PRSS12: variants seen among roughly 807,000 people sequenced by gnomAD.
The protein encoded by PRSS12 is serine protease 12, also known as neurotrypsin.
A neutral mutation model predicts 104.4 loss-of-function variants in PRSS12; 85 were observed. The observed-to-expected ratio is 0.81, with a 90% confidence interval of 0.68 to 0.98. The LOEUF is 0.98. PRSS12 is among the 50% of genes least tolerant of loss of function. The pLI is 0.00. For missense variants in PRSS12, 1,141 were observed against 1,139.2 expected (o/e 1.00, Z -0.02); for synonymous variants, 454 against 425.2 (o/e 1.07, Z -0.83).
chr4:118,344,123 G>T (rs1009996378), intron 1 of PRSS12, among the ~76,000 whole-genome samples: 1 of 152,056 alleles, frequency 6.6e-6, no homozygotes, highest in Non-Finnish European at 1.5e-5. Flanking sequence ...AAAGCTGTGA[G>T]TGATACAGAA....
intron 8 of PRSS12, among the ~76,000 whole-genome samples, chr4:118,306,188 A>C (rs1388248903): frequency 6.6e-6 from 1 of 152,164 alleles, no homozygotes; most frequent in Non-Finnish European, 1.5e-5. Flanking sequence ...ATTCCCACCA[A>C]CAGTGTGCAT....
chr4:118,321,698 T>G (rs1723628713), intron 4 of PRSS12, among the ~76,000 whole-genome samples: 1 of 152,228 alleles, frequency 6.6e-6, no homozygotes, highest in Non-Finnish European at 1.5e-5. Context: ...AAAGACCATT[T>G]GGTATTTAGT....
intron 10 of PRSS12, 76 bp from the exon 11 acceptor site, chr4:118,295,137 G>C: frequency 6.5e-7 from 1 of 1,547,146 alleles, no homozygotes; most frequent in Non-Finnish European, 8.8e-7. Context: ...TAAAGCAATG[G>C]CTTTAATAAC....
chr4:118,307,774 A>G (rs1221639292), intron 8 of PRSS12, among the ~76,000 whole-genome samples: 1 of 152,172 alleles, frequency 6.6e-6, no homozygotes, highest in Non-Finnish European at 1.5e-5. Context: ...TATCTAATGC[A>G]TGCATTTTCT....
chr4:118,323,886 T>A (rs1723697444), intron 4 of PRSS12, among the ~76,000 whole-genome samples: 1 of 151,874 alleles, frequency 6.6e-6, no homozygotes, highest in African/African-American at 2.4e-5. Flanking sequence ...TGTGTGTGTG[T>A]ATATATATCT....
At chr4:118,300,072 G>A (rs904460253) in intron 8 of PRSS12, among the ~76,000 whole-genome samples, 5 of 151,486 alleles carry the variant, frequency 3.3e-5, no homozygotes, top group Non-Finnish European at 5.9e-5. Context: ...GTGCCATGGC[G>A]TGATCTCGGC....
intron 8 of PRSS12, among the ~76,000 whole-genome samples, chr4:118,305,363 T>C (rs898659298): frequency 2.0e-5 from 3 of 152,048 alleles, no homozygotes; most frequent in Non-Finnish European, 4.4e-5. Flanking sequence ...ATAAAGTCTT[T>C]TGATGCTTTT....
chr4:118,338,928 GC>G (rs986355047), intron 1 of PRSS12, among the ~76,000 whole-genome samples: 2 of 152,126 alleles, frequency 1.3e-5, no homozygotes, highest in African/African-American at 4.8e-5. Context: ...TGAAAATACT[GC>G]CTAATGCTAG....
intron 2 of PRSS12, among the ~76,000 whole-genome samples, chr4:118,337,447 T>C (rs6534093): frequency 0.021 from 3,229 of 152,302 alleles, 136 homozygotes; most frequent in African/African-American, 0.072. Flanking sequence ...TGAAACTCTA[T>C]GGCACAAGGA....
rs1724217556 is a variant in PRSS12, at chr4:118,341,752, C to T, written c.503-3438G>A. 2.6e-5 allele frequency among the ~76,000 whole-genome samples: 4 copies of T among 152,162 alleles called. No individual in the cohort carries two copies. In the South Asian group the frequency reaches 8.3e-4, roughly 32 times the overall value. On this transcript the variant is annotated intron_variant, in intron 1 of 12. Coordinates refer to ENST00000296498, the MANE Select transcript of PRSS12 (RefSeq NM_003619.4). Reference sequence around the variant, plus strand: ...TTCCTTCTACTTATGGATGAAAAAGCTACAGACCAAAGCAACTGAGCAGTT... The same window carrying T: ...TTCCTTCTACTTATGGATGAAAAAGTTACAGACCAAAGCAACTGAGCAGTT...
rs181691916 is a variant in PRSS12, at chr4:118,315,903, T to C, written c.1292+279A>G. ...GAATAAAAATGAGCATTCAAAGTCT[T>C]ACTTGAATAGACACAAGGGGACTTA... is the stretch of plus-strand genomic sequence containing the variant. On this transcript the variant is annotated intron_variant, in intron 6 of 12. Transcript: ENST00000296498. 8.1e-3 allele frequency among the ~76,000 whole-genome samples: 1,235 copies of C among 152,312 alleles called. 7 individuals carry two copies. Among genetic ancestry groups the C allele is most frequent in the Non-Finnish European group, 0.014 (935 of 68,010 alleles).
At chr4:118,346,506 A>G (rs1400423110) in intron 1 of PRSS12, among the ~76,000 whole-genome samples, 1 of 151,526 alleles carries the variant, frequency 6.6e-6, no homozygotes, top group East Asian at 1.9e-4. Context: ...TAGTATCTGC[A>G]TAATATCCAT....
At chr4:118,316,835 A>T (rs200543087) in intron 5 of PRSS12, among the ~76,000 whole-genome samples, 22 of 34,536 alleles carry the variant, frequency 6.4e-4, no homozygotes, top group African/African-American at 1.5e-3. Flanking sequence ...GAAAAAAAAA[A>T]AAATATATAT....
chr4:118,352,198 G>A lies in PRSS12; in HGVS notation c.502+21C>T, dbSNP rs772813092. 6 of 1,610,304 alleles carry A rather than the reference G, an allele frequency of 3.7e-6. No individual in the cohort carries two copies. In the Middle Eastern group the frequency reaches 6.6e-4, roughly 178 times the overall value. On this transcript the variant is annotated intron_variant, in intron 1 of 12. Coordinates refer to ENST00000296498, the MANE Select transcript of PRSS12 (RefSeq NM_003619.4). ...CTCCGAGCCCGTCCGGAGTTTCCGC[G>A]GCCGCCCCGAGGCCACTAACCGTGT...
chr4:118,305,122 C>T (rs537762535), intron 8 of PRSS12, among the ~76,000 whole-genome samples: 25 of 146,066 alleles, frequency 1.7e-4, no homozygotes, highest in Admixed American at 4.0e-4. Context: ...TATATATATA[C>T]ACACACACAC....
intron 11 of PRSS12, among the ~76,000 whole-genome samples, chr4:118,289,931 T>G (rs991537254): frequency 6.6e-6 from 1 of 152,190 alleles, no homozygotes; most frequent in Non-Finnish European, 1.5e-5. Context: ...ACTGTGCAAA[T>G]AATGAGAAGA....
chr4:118,325,258 G>GA (rs1308354287), intron 4 of PRSS12, among the ~76,000 whole-genome samples: 1 of 149,472 alleles, frequency 6.7e-6, no homozygotes, highest in Admixed American at 6.7e-5. Context: ...GACGTAGGTT[G>GA]AAAAACTACC....
chr4:118,335,750 T>C lies in PRSS12; in HGVS notation c.642-99A>G, dbSNP rs1301460651. On this transcript the variant is annotated intron_variant, in intron 2 of 12. Coordinates refer to ENST00000296498, the MANE Select transcript of PRSS12 (RefSeq NM_003619.4). ...AAAAAATGGAAGAAATCAACAAAGATGAATATGGAAGAAACAAAGAAAGAA... is the reference window on the plus strand; with the variant it reads ...AAAAAATGGAAGAAATCAACAAAGACGAATATGGAAGAAACAAAGAAAGAA... 3.0e-5 allele frequency: 33 copies of C among 1,092,764 alleles called. No individual in the cohort carries two copies. The East Asian group carries it at 7.6e-4, about 25-fold the overall frequency. The allele number at this position is 1,092,764 out of a possible 1,614,324, so 67.7% of individuals were successfully genotyped here. A position where few individuals can be genotyped will look rare whatever the true frequency, so the allele number is the denominator to read the frequency against.
intron 5 of PRSS12, among the ~76,000 whole-genome samples, chr4:118,317,892 C>T (rs1723492184): frequency 6.6e-6 from 1 of 152,186 alleles, no homozygotes; most frequent in African/African-American, 2.4e-5. Context: ...CTTCTTACAA[C>T]ACATGACACA....
Sources: gnomAD v4.1 joint callset for allele counts (sites outside exome capture counted in the v4.1 genomes callset) on GRCh38, gnomAD v4.1.1 for gene constraint, MANE v1.5 for transcripts, NCBI Gene and HGNC (gene_info 2026-07-23, HGNC 2026-07-21) for gene names.